The following ITPRID2 variants were observed in gnomAD, a reference collection of about 807,000 sequenced individuals.
ITPRID2 encodes the protein ITPR interacting domain containing 2, also known as protein ITPRID2.
Under a neutral mutation model 124.3 loss-of-function variants are expected in ITPRID2, and 60 were observed. The ratio of observed to expected loss-of-function variants is 0.48; its 90% confidence interval spans 0.39 to 0.60. The LOEUF (loss-of-function observed/expected upper bound fraction) is 0.60, where lower values mean the gene tolerates loss of function less well. Among genes scored for constraint, ITPRID2 ranks in the 20% least tolerant of loss-of-function variants. The pLI, the probability that ITPRID2 is intolerant of heterozygous loss-of-function variation, is 0.00. For missense variants in ITPRID2, 1,553 were observed against 1,512.2 expected (o/e 1.03, Z -0.45); for synonymous variants, 521 against 542.9 (o/e 0.96, Z 0.56).
intron 17 of ITPRID2, among the ~76,000 whole-genome samples, chr2:181,928,611 T>G (rs1203401605): frequency 6.6e-6 from 1 of 152,064 alleles, no homozygotes; most frequent in African/African-American, 2.4e-5. Flanking sequence ...CAAGATTTTG[T>G]GAATTAATCA....
intron 7 of ITPRID2, among the ~76,000 whole-genome samples, 165 bp downstream of exon 7, chr2:181,901,069 C>T (rs1054381250): frequency 3.3e-5 from 5 of 152,160 alleles, no homozygotes; most frequent in African/African-American, 1.2e-4. Flanking sequence ...TTTTATTACT[C>T]CATTTATAGT....
At position 181,902,303 on chromosome 2, in the gene ITPRID2, T is replaced by C. The variant is rs1449168517; in HGVS notation, c.1250T>C (p.Leu417Ser). 5 of 1,613,928 alleles carry C rather than the reference T, an allele frequency of 3.1e-6. No individual in the cohort carries two copies. Among genetic ancestry groups the C allele is most frequent in the Non-Finnish European group, 3.4e-6 (4 of 1,179,900 alleles). Residue 417 changes from leucine (L) to serine (S), a missense_variant, in exon 8 of 18, where the codon TTA becomes TCA. By Grantham distance (145) the Leu-to-Ser change is moderately radical. Transcript: ENST00000431877. This position sits in a 1 kb window ranked among gnomAD's most constrained non-coding sequence, Gnocchi z 4.4. Reference protein sequence around the residue: ...GEESGIVESKLDSDFNISSHS... With the variant: ...GEESGIVESKSDSDFNISSHS... The stretch of plus-strand genomic sequence containing the variant: ...GAATCTGGTATTGTAGAATCCAAAT[T>C]AGATAGTGATTTCAACATATCCAGC...
chr2:181,902,564 T>C lies in ITPRID2; in HGVS notation c.1413+98T>C. On this transcript the variant is annotated intron_variant, in intron 8 of 17. Transcript: ENST00000431877. This position sits in a 1 kb window ranked among gnomAD's most constrained non-coding sequence, Gnocchi z 4.4. ...TGAGAGGTAGCTAATAGATTTATAC[T>C]AGAAAAATTTATTCTAATTTTGACT... The C allele has an allele frequency of 1.2e-6, 1 of 855,086 alleles. No homozygotes were observed. The highest frequency in any genetic ancestry group is 1.7e-6 in the Non-Finnish European group (1 of 580,146). The allele number at this position is 855,086 out of a possible 1,614,324, so 53.0% of individuals were successfully genotyped here. A position where few individuals can be genotyped will look rare whatever the true frequency, so the allele number is the denominator to read the frequency against.
At chr2:181,929,511 TAAC>T (rs1246173652) in intron 17 of ITPRID2, 47 bp from the exon 18 acceptor site, 15 of 1,275,406 alleles carry the variant, frequency 1.2e-5, no homozygotes, top group African/African-American at 6.0e-5. Flanking sequence ...AAGCTTTTAA[TAAC>T]AGTATTTGAA....
chr2:181,929,565 G>A lies in ITPRID2; in HGVS notation c.*18G>A, dbSNP rs1219410394. 8 of 1,608,352 alleles carry A rather than the reference G, an allele frequency of 5.0e-6. No homozygotes were observed. In the East Asian group the frequency reaches 9.0e-5, roughly 18 times the overall value. ...ACTTCTCTTTTCTTTTTTAAGGTTG[G>A]CATGGATCCTATTAGCTGTGTAATA... On this transcript the variant is annotated 3_prime_UTR_variant, in exon 18 of 18. Coordinates refer to ENST00000431877, the MANE Select transcript of ITPRID2 (RefSeq NM_001130445.3).
chr2:181,920,475 C>A, intron 14 of ITPRID2, 122 bp from the exon 15 acceptor site: 1 of 627,514 alleles, frequency 1.6e-6, no homozygotes, highest in Non-Finnish European at 2.5e-6. Context: ...ACTAATTAGC[C>A]AATTAATTTT....
chr2:181,903,352 TATA>T (rs1255049084), intron 8 of ITPRID2, among the ~76,000 whole-genome samples: 2 of 152,246 alleles, frequency 1.3e-5, no homozygotes, highest in African/African-American at 4.8e-5. Flanking sequence ...CTATAAATTA[TATA>T]ATGCGCAATT....
chr2:181,913,034 ATTAT>A lies in ITPRID2; in HGVS notation c.1487-807_1487-804del, dbSNP rs1365295655. On this transcript the variant is annotated intron_variant, in intron 9 of 17. Transcript: ENST00000431877. ...ACATTTAAGTATGCTTGCATTTCAG[ATTAT>A]TTAATTTACTGGCCTTAATTGTATT... Among the ~76,000 whole-genome samples, 3 of 152,064 alleles carry A rather than the reference ATTAT, an allele frequency of 2.0e-5. No individual in the cohort carries two copies. The East Asian group carries it at 5.8e-4, about 29-fold the overall frequency.
chr2:181,909,184 T>C lies in ITPRID2; in HGVS notation c.1414-715T>C, dbSNP rs1693401951. On this transcript the variant is annotated intron_variant, in intron 8 of 17. Coordinates refer to ENST00000431877, the MANE Select transcript of ITPRID2 (RefSeq NM_001130445.3). ...AGGGAAGATTTATGGTTAATATCTTTCATTATTTTAGTTCTGTAATGAAAC... is the reference window on the plus strand; with the variant it reads ...AGGGAAGATTTATGGTTAATATCTTCCATTATTTTAGTTCTGTAATGAAAC... Among the ~76,000 whole-genome samples the C allele has an allele frequency of 2.0e-5, 3 of 152,214 alleles. No homozygotes were observed. The South Asian group carries it at 6.2e-4, about 32-fold the overall frequency.
In ITPRID2 at chr2:181,916,015, G is replaced by A. The variant is rs778799913; in HGVS notation, c.2375G>A (p.Gly792Asp). Residue 792 changes from glycine to aspartate, a missense_variant, in exon 11 of 18, where the codon GGT (glycine) becomes GAT (aspartate). Coordinates refer to ENST00000431877, the MANE Select transcript of ITPRID2 (RefSeq NM_001130445.3). ...ELEKRVMEHD[G>D]QSLVKSTIFI... The stretch of plus-strand genomic sequence containing the variant: ...GAAAAGCGGGTGATGGAACATGATG[G>A]TCAGTCTTTAGTTAAATCGACCATT... 1.3e-5 allele frequency: 21 copies of A among 1,614,046 alleles called. No individual in the cohort carries two copies. In the South Asian group the frequency reaches 1.9e-4, roughly 14 times the overall value.
At position 181,907,572 on chromosome 2, in the gene ITPRID2, T is replaced by G. The variant is rs1276775924; in HGVS notation, c.1414-2327T>G. Among the ~76,000 whole-genome samples, 2 of 152,200 alleles carry G rather than the reference T, an allele frequency of 1.3e-5. No individual in the cohort carries two copies. Among genetic ancestry groups the G allele is most frequent in the Non-Finnish European group, 2.9e-5 (2 of 68,032 alleles). ...ATTCTAATTCAGTTTTATTTGGCTATTCTTGTTAATTATGAAAGGCTGCTT... is the reference window on the plus strand; with the variant it reads ...ATTCTAATTCAGTTTTATTTGGCTAGTCTTGTTAATTATGAAAGGCTGCTT... On this transcript the variant is annotated intron_variant, in intron 8 of 17. Transcript: ENST00000431877. This position sits in a 1 kb window ranked among gnomAD's most constrained non-coding sequence, Gnocchi z 5.1.
Position 181,891,919 on chromosome 2 carries a change from CCCT to C in ITPRID2, c.-127_-125del, listed in dbSNP as rs554422909. 8.6e-3 allele frequency: 4,592 copies of C among 532,610 alleles called. No individual in the cohort carries two copies. The highest frequency in any genetic ancestry group is 0.012 in the South Asian group (488 of 40,252). 33.0% of individuals were successfully genotyped at this position (532,610 alleles called of 1,614,324 possible). A position where few individuals can be genotyped will look rare whatever the true frequency, so the allele number is the denominator to read the frequency against. On this transcript the variant is annotated 5_prime_UTR_variant, in exon 1 of 18. Transcript: ENST00000431877. ...TTCCTTCCCTCCCTCCCTCCCTGTCCCCTCCTCCTCCTCCTCCTCCTCCGGCGC... is the reference window on the plus strand; with the variant it reads ...TTCCTTCCCTCCCTCCCTCCCTGTCCCCTCCTCCTCCTCCTCCTCCGGCGC...
chr2:181,898,864 T>C lies in ITPRID2; in HGVS notation c.365-16T>C, dbSNP rs1692430093. 1 of 1,593,528 alleles carries C rather than the reference T, an allele frequency of 6.3e-7. No individual in the cohort carries two copies. The highest frequency in any genetic ancestry group is 1.3e-5 in the African/African-American group (1 of 74,346). On this transcript the variant is annotated splice_polypyrimidine_tract_variant and intron_variant, in intron 4 of 17. Transcript: ENST00000431877. ...TACTAACAATTGTGCTCTACGTTTA[T>C]TGTTTTTACCTGTAGCCAACCACCT...
intron 10 of ITPRID2, 148 bp from the exon 11 acceptor site, chr2:181,915,068 C>T (rs1471511684): frequency 4.8e-6 from 4 of 826,764 alleles, no homozygotes; most frequent in Non-Finnish European, 7.7e-6. Context: ...GGTTGCTGCT[C>T]AGGAGCAATA....
chr2:181,909,751 T>G (rs1693452517), intron 8 of ITPRID2, 148 bp from the exon 9 acceptor site: 3 of 500,138 alleles, frequency 6.0e-6, no homozygotes. Context: ...CTAATAATTT[T>G]GAGGTCAGAT....
chr2:181,926,885 G>C (rs528727157), intron 16 of ITPRID2, among the ~76,000 whole-genome samples: 74 of 152,104 alleles, frequency 4.9e-4, no homozygotes, highest in Non-Finnish European at 7.9e-4. Context: ...TTGTATTTCT[G>C]TTTATATACT....
At chr2:181,921,785 C>T (rs922049413) in intron 15 of ITPRID2, among the ~76,000 whole-genome samples, 163 bp from the exon 16 acceptor site, 6 of 152,106 alleles carry the variant, frequency 3.9e-5, no homozygotes, top group African/African-American at 9.7e-5. Context: ...ATTTTACTTA[C>T]CATTTTTGCA....
Position 181,892,797 on chromosome 2 carries a change from G to T in ITPRID2, c.257+137G>T. The stretch of plus-strand genomic sequence containing the variant: ...AAACCGGAAAGTGAGCCGGCGGATA[G>T]CTTCCTCCTCTAAGCGATTAGAAAT... On this transcript the variant is annotated intron_variant, in intron 2 of 17. Coordinates refer to ENST00000431877, the MANE Select transcript of ITPRID2 (RefSeq NM_001130445.3). This position sits in a 1 kb window ranked among gnomAD's most constrained non-coding sequence, Gnocchi z 5.2. 1 of 942,712 alleles carries T rather than the reference G, an allele frequency of 1.1e-6. No individual in the cohort carries two copies. The highest frequency in any genetic ancestry group is 2.6e-5 in the East Asian group (1 of 38,416). 58.4% of individuals were successfully genotyped at this position (942,712 alleles called of 1,614,324 possible).
Position 181,892,182 on chromosome 2 carries a change from C to T in ITPRID2, c.116C>T (p.Thr39Met). Residue 39 changes from threonine to methionine, a missense_variant, in exon 1 of 18, where the codon ACG (threonine) becomes ATG (methionine). Thr to Met is a moderately conservative substitution (Grantham distance 81, BLOSUM62 -1). Coordinates refer to ENST00000431877, the MANE Select transcript of ITPRID2 (RefSeq NM_001130445.3). This position sits in a 1 kb window ranked among gnomAD's most constrained non-coding sequence, Gnocchi z 5.2. ...CGCAGCTCCTGGCAAGCGTCGGAGA[C>T]GGAGGATCTGTCCACAGAAGCGACG... ...KCRSSWQASE[T>M]EDLSTEATTQ... 2 of 1,553,552 alleles carry T rather than the reference C, an allele frequency of 1.3e-6. No homozygotes were observed. The highest frequency in any genetic ancestry group is 1.7e-6 in the Non-Finnish European group (2 of 1,148,430).
Sources: gnomAD v4.1 joint callset for allele counts (sites outside exome capture counted in the v4.1 genomes callset) on GRCh38, gnomAD v4.1.1 for gene constraint, Gnocchi (gnomAD v3.1) non-coding constraint, MANE v1.5 for transcripts, NCBI Gene and HGNC (gene_info 2026-07-23, HGNC 2026-07-21) for gene names.